Variants in SASH1 observed in about 807,000 individuals in gnomAD.
The protein encoded by SASH1 is SAM and SH3 domain containing 1.
A neutral mutation model predicts 125.2 loss-of-function variants in SASH1; 44 were observed. The ratio of observed to expected loss-of-function variants is 0.35; its 90% CI spans 0.28 to 0.45. SASH1 has a LOEUF of 0.45. SASH1 is among the 20% of genes least tolerant of loss of function. The pLI, the probability that SASH1 is intolerant of heterozygous loss-of-function variation, is 1.00. For missense variants in SASH1, 1,426 were observed against 1,614.5 expected, an observed-to-expected ratio of 0.88 and a Z score of 2.00; for synonymous variants, 639 against 649.1, an observed-to-expected ratio of 0.98 and a Z score of 0.24.
chr6:148,396,982 ATCCATTACT>A (rs550007663), intron 2 of SASH1, among the ~76,000 whole-genome samples: 138 of 152,324 alleles, frequency 9.1e-4, no homozygotes, highest in African/African-American at 3.1e-3. Context: ...GCTGAAGAGT[ATCCATTACT>A]TGTACTTCAT....
rs747191613 is a variant in SASH1 at position 148,544,403 on chromosome 6, C to T, written c.2933C>T (p.Pro978Leu). Residue 978 changes from proline to leucine, a missense_variant, in exon 18 of 20, where the codon CCC (proline) becomes CTC (leucine). Transcript: ENST00000367467. The surrounding 1 kb of genome is among the most constrained non-coding windows in gnomAD (Gnocchi z 6.4). ...EGVDAEQRMQ[P>L]KIPSQPPPVP... The stretch of plus-strand genomic sequence containing the variant: ...GTAGATGCTGAGCAGAGAATGCAGC[C>T]CAAAATTCCATCACAGCCTCCACCT... The T allele has an allele frequency of 6.2e-7, 1 of 1,614,182 alleles. No homozygotes were observed. Among genetic ancestry groups the T allele is most frequent in the East Asian group, 2.2e-5 (1 of 44,874 alleles).
intron 8 of SASH1, among the ~76,000 whole-genome samples, chr6:148,511,199 C>G (rs563962683): frequency 8.1e-4 from 122 of 150,162 alleles, no homozygotes; most frequent in African/African-American, 2.9e-3. Flanking sequence ...CTTTTTTCCT[C>G]TGGACTCAGT....
At chr6:148,202,914 A>G in the SASH1 span, among the ~76,000 whole-genome samples, 200 of 152,242 alleles carry the variant, frequency 1.3e-3, no homozygotes, top group African/African-American at 4.6e-3. Context: ...AGATTGTGCC[A>G]TTACACTCCA....
intron 1 of SASH1, among the ~76,000 whole-genome samples, chr6:148,376,783 A>G (rs573019527): frequency 1.6e-4 from 25 of 152,090 alleles, no homozygotes; most frequent in African/African-American, 5.5e-4. Context: ...AGGGAGGATC[A>G]CTTGAGCCCA....
At chr6:148,283,558 C>A (rs915077167) in intron 1 of SASH1, 2 of 152,130 alleles carry the variant, frequency 1.3e-5, no homozygotes, top group Non-Finnish European at 1.5e-5. Context: ...GGTCAACTGA[C>A]GTCAGGAGAT....
rs188386895 is a variant in SASH1, at chr6:148,314,882, G to A, written n.74+42505G>A. Among the ~76,000 whole-genome samples, 12 of 150,802 alleles carry A rather than the reference G, an allele frequency of 8.0e-5. No individual in the cohort carries two copies. In the South Asian group the frequency reaches 8.4e-4, roughly 11 times the overall value. Reference sequence around the variant, plus strand: ...AGTGATTCTCCTGCCTCAGCCTCCCGAATAGCTGGGATTACAGGCGCCTGC... The same window carrying A: ...AGTGATTCTCCTGCCTCAGCCTCCCAAATAGCTGGGATTACAGGCGCCTGC... On this transcript the variant is annotated intron_variant and non_coding_transcript_variant, in intron 1 of 3. Coordinates refer to the SASH1 transcript ENST00000367469.
chr6:148,339,225 G>C (rs1178900035), upstream of SASH1, among the ~76,000 whole-genome samples: 2 of 151,926 alleles, frequency 1.3e-5, no homozygotes, highest in African/African-American at 4.8e-5. Context: ...TGTATTTCTA[G>C]TAGAGACGAG....
At chr6:148,322,866 T>C (rs67436106) in intron 1 of SASH1, among the ~76,000 whole-genome samples, 13,471 of 94,294 alleles carry the variant, frequency 0.14, 1,443 homozygotes, top group East Asian at 0.34. Flanking sequence ...ATCCAAATCA[T>C]CTTTCTTTCT....
At chr6:148,384,553 G>A (rs1266860856) in intron 1 of SASH1, among the ~76,000 whole-genome samples, 2 of 152,120 alleles carry the variant, frequency 1.3e-5, no homozygotes, top group Non-Finnish European at 2.9e-5. Flanking sequence ...CGTAAAGATG[G>A]CAGCATGCGA....
At chr6:148,259,970 C>T in the SASH1 span, among the ~76,000 whole-genome samples, 1 of 152,218 alleles carries the variant, frequency 6.6e-6, no homozygotes, top group East Asian at 1.9e-4. Flanking sequence ...ACTGCAGCTT[C>T]GAACTCGTAG....
chr6:148,486,961 A>T (rs763637730), intron 7 of SASH1, among the ~76,000 whole-genome samples: 1 of 22,222 alleles, frequency 4.5e-5, no homozygotes, highest in African/African-American at 1.3e-4. Context: ...ATATATATAT[A>T]TATATATATA....
At chr6:148,360,084 C>A (rs891680608) in intron 1 of SASH1, among the ~76,000 whole-genome samples, 1 of 151,822 alleles carries the variant, frequency 6.6e-6, no homozygotes, top group African/African-American at 2.4e-5. Context: ...CTTTACAAAC[C>A]AAAGGAACCA....
intron 8 of SASH1, chr6:148,514,024 GTCC>G (rs1395407273): frequency 1.9e-6 from 2 of 1,058,546 alleles, no homozygotes; most frequent in Non-Finnish European, 2.3e-6. Flanking sequence ...TCCTGCTGGA[GTCC>G]TCCTAAGAGA....
At chr6:148,267,757 A>C (rs775687093), upstream of SASH1, among the ~76,000 whole-genome samples, 26 of 152,206 alleles carry the variant, frequency 1.7e-4, no homozygotes, top group Admixed American at 9.8e-4. Flanking sequence ...AATGTTTCTT[A>C]AACCTTCCCA....
chr6:148,418,495 A>G (rs1784917736), intron 2 of SASH1, among the ~76,000 whole-genome samples: 1 of 152,188 alleles, frequency 6.6e-6, no homozygotes, highest in African/African-American at 2.4e-5. Context: ...CAAATTATAC[A>G]ATGTTAGTAA....
chr6:148,277,895 T>C (rs1373354306), intron 1 of SASH1, among the ~76,000 whole-genome samples: 5 of 152,010 alleles, frequency 3.3e-5, no homozygotes, highest in Non-Finnish European at 7.4e-5. Flanking sequence ...TTTTGTATTT[T>C]CAGTAGAGAC....
intron 1 of SASH1, among the ~76,000 whole-genome samples, chr6:148,389,248 A>AGGTGTTGTGATTATTC (rs1262982298): frequency 2.0e-5 from 3 of 152,202 alleles, no homozygotes; most frequent in African/African-American, 7.2e-5. Flanking sequence ...TCACTGAAGT[A>AGGTGTTGTGATTATTC]GGTGTTGTGA....
chr6:148,413,459 G>C (rs967024753), intron 2 of SASH1, among the ~76,000 whole-genome samples: 2 of 152,242 alleles, frequency 1.3e-5, no homozygotes, highest in East Asian at 1.9e-4. Flanking sequence ...TGTTAACAGG[G>C]AGAAAGGGGA....
At chr6:148,513,755 G>C (rs1450322743) in intron 8 of SASH1, 25 of 985,900 alleles carry the variant, frequency 2.5e-5, no homozygotes, top group Non-Finnish European at 2.8e-5. Context: ...AAGGAGCCGG[G>C]AGAGGCGGAA....
Sources: allele counts gnomAD v4.1 joint callset (sites outside exome capture counted in the v4.1 genomes callset), GRCh38; gene constraint gnomAD v4.1.1; non-coding constraint Gnocchi (gnomAD v3.1); transcripts MANE v1.5; gene names NCBI Gene and HGNC (gene_info 2026-07-23, HGNC 2026-07-21).